TOR2A: variants seen among roughly 807,000 people sequenced by gnomAD.
The protein encoded by TOR2A is torsin family 2 member A.
A neutral mutation model predicts 28.6 loss-of-function variants in TOR2A; 24 were observed. That is an observed-to-expected ratio of 0.84 (90% CI 0.61 to 1.18). The LOEUF (loss-of-function observed/expected upper bound fraction) is 1.18. TOR2A is among the 50% of genes most tolerant of loss of function. The pLI, the probability that TOR2A is intolerant of heterozygous loss-of-function variation, is 0.00. For synonymous variants in TOR2A, 203 were observed against 203.1 expected, an observed-to-expected ratio of 1.00 and a Z score of 0.00; for missense variants, 426 against 448.1, an observed-to-expected ratio of 0.95 and a Z score of 0.45.
rs779223274 is a variant in TOR2A at position 127,732,008 on chromosome 9, G to A, written c.*26C>T. On this transcript the variant is annotated 3_prime_UTR_variant, in exon 5 of 5. Transcript: ENST00000373284. ...CTTTCCTGCATGGCCTGGCCATCAG[G>A]GGGGCCGAGGACACCACTCAGAGAG... 1 of 1,600,926 alleles carries A rather than the reference G, an allele frequency of 6.2e-7. No homozygotes were observed. Among genetic ancestry groups the A allele is most frequent in the African/African-American group, 1.3e-5 (1 of 74,652 alleles).
chr9:127,734,732 G>C (rs928488769), intron 1 of TOR2A, 168 bp from the exon 2 acceptor site: 2 of 820,126 alleles, frequency 2.4e-6, no homozygotes, highest in Non-Finnish European at 1.7e-6. Context: ...AGCCACCTTC[G>C]GGCCTGATTC....
chr9:127,732,073 GC>G lies in TOR2A; in HGVS notation c.926del (p.Gly309AlafsTer44). On this transcript the variant is annotated frameshift_variant, in exon 5 of 5. Transcript: ENST00000373284. LOFTEE classifies it high-confidence loss of function. Reference protein sequence around the residue: ...PEDEQLFSSNGCKTVASRIAF... With the variant: ...PEDEQLFSSNXCKTVASRIAF... ...CGATTCGGGAGGCCACGGTCTTGCA[GC>G]CGTTGGAGGAGAAGAGCTGCTCGTC... is the stretch of plus-strand genomic sequence containing the variant. The G allele has an allele frequency of 6.2e-7, 1 of 1,613,912 alleles. No homozygotes were observed. Among genetic ancestry groups the G allele is most frequent in the Non-Finnish European group, 8.5e-7 (1 of 1,180,012 alleles).
chr9:127,731,767 T>C lies in TOR2A; in HGVS notation c.*267A>G, dbSNP rs1273405671. 3 of 699,062 alleles carry C rather than the reference T, an allele frequency of 4.3e-6. No homozygotes were observed. Among genetic ancestry groups the C allele is most frequent in the African/African-American group, 3.6e-5 (2 of 55,784 alleles). The allele number at this position is 699,062 out of a possible 1,614,324, so 43.3% of individuals were successfully genotyped here. On this transcript the variant is annotated 3_prime_UTR_variant, in exon 5 of 5. Transcript: ENST00000373284. Reference sequence around the variant, plus strand: ...GCCACGAGCCACAGTCCCTGAGTTATAATTCACAGTAAGAAGGCTCAGGCT... The same window carrying C: ...GCCACGAGCCACAGTCCCTGAGTTACAATTCACAGTAAGAAGGCTCAGGCT...
At position 127,734,395 on chromosome 9, in the gene TOR2A, C is replaced by T. The variant is rs1044952694; in HGVS notation, c.321G>A (p.Ala107=). 11 of 1,612,510 alleles carry T rather than the reference C, an allele frequency of 6.8e-6. No homozygotes were observed. The highest frequency in any genetic ancestry group is 1.3e-5 in the African/African-American group (1 of 75,028). The change falls in exon 2 of 5, where the codon GCG becomes GCA. Residue 107 remains alanine (A), a synonymous_variant. Transcript: ENST00000373284. ...GGAGGCCGCCCTGGAAGAGGTAGTG[C>T]GCCAGCAGGGAGCTGACATAGGATT... The part of the protein sequence containing the change: ...TGKSYVSSLL[A]HYLFQGGLRS...
At chr9:127,732,422 T>C (rs1450643356) in intron 4 of TOR2A, 142 bp downstream of exon 4, 4 of 1,445,394 alleles carry the variant, frequency 2.8e-6, no homozygotes, top group Admixed American at 5.4e-5. Flanking sequence ...GCTGTAAGGC[T>C]CACCCAAAGT....
Position 127,734,553 on chromosome 9 carries a change from C to T in TOR2A, c.163G>A (p.Asp55Asn). Residue 55 changes from aspartate to asparagine, a missense_variant, in exon 2 of 5, where the codon GAC becomes AAC. Physicochemically the swap from Asp to Asn is conservative, Grantham distance 23. Transcript: ENST00000373284. ...FRPDLPGLECDLAQHLAGQHL... is the reference protein window; with the variant it reads ...FRPDLPGLECNLAQHLAGQHL... The stretch of plus-strand genomic sequence containing the variant: ...TGGCCGGCCAGGTGCTGAGCCAGGT[C>T]ACACTCCAGACCTAGGGCCACAGGA... 6.6e-7 allele frequency: 1 copy of T among 1,524,672 alleles called. No individual in the cohort carries two copies. Among genetic ancestry groups the T allele is most frequent in the Non-Finnish European group, 8.8e-7 (1 of 1,136,408 alleles). The allele number at this position is 1,524,672 out of a possible 1,614,324, so 94.4% of individuals were successfully genotyped here.
Position 127,734,490 on chromosome 9 carries a change from C to A in TOR2A, c.226G>T (p.Ala76Ser). ...AKALVVKALK[A>S]FVRDPAPTKP... is the part of the protein sequence containing the mutation. Reference sequence around the variant, plus strand: ...GTGGGGGCTGGGTCCCGCACAAAGGCCTTCAGCGCCTTCACCACCAGCGCC... The same window carrying A: ...GTGGGGGCTGGGTCCCGCACAAAGGACTTCAGCGCCTTCACCACCAGCGCC... Residue 76 changes from alanine to serine, a missense_variant, in exon 2 of 5, where the codon GCC becomes TCC. Transcript: ENST00000373284. The A allele has an allele frequency of 6.3e-7, 1 of 1,577,680 alleles. No homozygotes were observed. The highest frequency in any genetic ancestry group is 8.6e-7 in the Non-Finnish European group (1 of 1,161,150).
rs764335121 is a variant in TOR2A, at chr9:127,734,325, G to A, written c.391C>T (p.His131Tyr). 10 of 1,602,658 alleles carry A rather than the reference G, an allele frequency of 6.2e-6. No individual in the cohort carries two copies. The highest frequency in any genetic ancestry group is 7.7e-6 in the Non-Finnish European group (9 of 1,174,336). ...TTGTAGCGCTCGATGTGGCTGGGGT[G>A]GGGGAAGTGGAGGACGGGAGAAAAG... ...HHFSPVLHFP[H>Y]PSHIERYKKD... The change falls in exon 2 of 5, where the codon CAC becomes TAC. Residue 131 changes from histidine (H) to tyrosine (Y), a missense_variant. Coordinates refer to ENST00000373284, the MANE Select transcript of TOR2A (RefSeq NM_001085347.3).
intron 3 of TOR2A, 144 bp downstream of exon 3, chr9:127,733,241 T>A: frequency 6.2e-7 from 1 of 1,610,412 alleles, no homozygotes. Flanking sequence ...GACAATGTCA[T>A]CTCTGAGAGT....
At chr9:127,732,499 G>C in intron 4 of TOR2A, 65 bp downstream of exon 4, 4 of 1,503,042 alleles carry the variant, frequency 2.7e-6, no homozygotes, top group East Asian at 2.3e-5. Flanking sequence ...ATGAGACCCC[G>C]GGAGAGCCTG....
At position 127,731,689 on chromosome 9, in the gene TOR2A, G is replaced by A. The variant is rs1029918350; in HGVS notation, c.*345C>T. 5 of 753,084 alleles carry A rather than the reference G, an allele frequency of 6.6e-6. No individual in the cohort carries two copies. The highest frequency in any genetic ancestry group is 9.9e-6 in the Non-Finnish European group (5 of 502,972). The allele number at this position is 753,084 out of a possible 1,614,324, so 46.7% of individuals were successfully genotyped here. A position where few individuals can be genotyped will look rare whatever the true frequency, so the allele number is the denominator to read the frequency against. On this transcript the variant is annotated 3_prime_UTR_variant, in exon 5 of 5. Transcript: ENST00000373284. The stretch of plus-strand genomic sequence containing the variant: ...TGTGGGGTGGAGGGGAGGAGGTATG[G>A]TGCCCGACCAAGGAGGCAAGGGGCA...
intron 1 of TOR2A, 156 bp downstream of exon 1, chr9:127,734,964 C>T: frequency 8.7e-7 from 1 of 1,151,936 alleles, no homozygotes; most frequent in Non-Finnish European, 1.1e-6. Context: ...CAACGGGTAC[C>T]CTCCACCCTC....
intron 1 of TOR2A, 182 bp from the exon 2 acceptor site, chr9:127,734,746 T>C: frequency 2.8e-6 from 2 of 712,378 alleles, no homozygotes; most frequent in Non-Finnish European, 4.1e-6. Flanking sequence ...CTGATTCAGC[T>C]CGGCAGCGCC....
rs1844436004 is a variant in TOR2A at position 127,731,799 on chromosome 9, G to T, written c.*235C>A. 1 of 803,212 alleles carries T rather than the reference G, an allele frequency of 1.2e-6. No homozygotes were observed. 49.8% of individuals were successfully genotyped at this position (803,212 alleles called of 1,614,324 possible). A position where few individuals can be genotyped will look rare whatever the true frequency, so the allele number is the denominator to read the frequency against. ...CAGTAAGAAGGCTCAGGCTGCAGGG[G>T]GAGGTCAAGGCTCAGTGAGGTTCTG... On this transcript the variant is annotated 3_prime_UTR_variant, in exon 5 of 5. Transcript: ENST00000373284.
chr9:127,733,273 C>T, intron 3 of TOR2A, 112 bp downstream of exon 3: 1 of 1,613,106 alleles, frequency 6.2e-7, no homozygotes, highest in Non-Finnish European at 8.5e-7. Flanking sequence ...CTGGGAAAGC[C>T]CAGCTAAGCC....
chr9:127,732,824 C>G lies in TOR2A; in HGVS notation c.594-133G>C. 5.5e-6 allele frequency: 8 copies of G among 1,446,626 alleles called. No individual in the cohort carries two copies. The South Asian group carries it at 1.2e-4, about 21-fold the overall frequency. The allele number at this position is 1,446,626 out of a possible 1,614,324, so 89.6% of individuals were successfully genotyped here. On this transcript the variant is annotated intron_variant, in intron 3 of 4. Transcript: ENST00000373284. ...GGGGAGGAGCCAACTCCACTGAAAA[C>G]GCTCCACTTCCCCCTCCATGGTGTC... is the stretch of plus-strand genomic sequence containing the variant.
chr9:127,734,585 T>A, intron 1 of TOR2A, 21 bp from the exon 2 acceptor site: 1 of 1,485,712 alleles, frequency 6.7e-7, no homozygotes, highest in Non-Finnish European at 8.9e-7. Flanking sequence ...AGGAGGATGG[T>A]GAGGACACAT....
intron 2 of TOR2A, 25 bp from the exon 3 acceptor site, chr9:127,733,585 A>C (rs1276913827): frequency 1.3e-6 from 2 of 1,578,804 alleles, no homozygotes; most frequent in Non-Finnish European, 1.7e-6. Flanking sequence ...CAGGAGTTCC[A>C]GGGGAGCTGG....
At position 127,732,859 on chromosome 9, in the gene TOR2A, G is replaced by A. The variant is rs1844511577; in HGVS notation, c.594-168C>T. 35 of 1,429,958 alleles carry A rather than the reference G, an allele frequency of 2.4e-5. No homozygotes were observed. The South Asian group carries it at 5.2e-4, about 21-fold the overall frequency. 88.6% of individuals were successfully genotyped at this position (1,429,958 alleles called of 1,614,324 possible). On this transcript the variant is annotated intron_variant, in intron 3 of 4. Transcript: ENST00000373284. ...CCCCCTCCATGGTGTCCACATCCAT[G>A]GCCCCTGTAATTCACCTACACATGC...
Sources: gnomAD v4.1 joint callset for allele counts on GRCh38, gnomAD v4.1.1 for gene constraint, MANE v1.5 for transcripts, NCBI Gene and HGNC (gene_info 2026-07-23, HGNC 2026-07-21) for gene names.